KIF22: variants seen among roughly 807,000 people sequenced by gnomAD.
KIF22 encodes the protein kinesin-like protein KIF22.
In KIF22, 62 loss-of-function variants were observed where a neutral mutation model predicts 73.0. The observed-to-expected ratio is 0.85, with a 90% confidence interval of 0.69 to 1.05. KIF22 has a LOEUF of 1.05. Ranked by LOEUF, KIF22 falls within the 50% of genes least tolerant of loss-of-function variation. The pLI, the probability that KIF22 is intolerant of heterozygous loss-of-function variation, is 0.00. For synonymous variants in KIF22, 411 were observed against 340.1 expected, an observed-to-expected ratio of 1.21 and a Z score of -2.29; for missense variants, 854 against 870.1, an observed-to-expected ratio of 0.98 and a Z score of 0.23.
At position 29,800,191 on chromosome 16, in the gene KIF22, A is replaced by C. The variant is rs149520377; in HGVS notation, c.1280+143A>C. 5.6e-4 allele frequency: 544 copies of C among 974,478 alleles called. 3 individuals carry two copies. The African/African-American group carries it at 8.2e-3, about 15-fold the overall frequency. 60.4% of individuals were successfully genotyped at this position (974,478 alleles called of 1,614,324 possible). A position where few individuals can be genotyped will look rare whatever the true frequency, so the allele number is the denominator to read the frequency against. ...CACCCTAGGCCGGATGCGGTGGCTC[A>C]CTCCTGTAACCCCAGCACTTTGGGA... is the stretch of plus-strand genomic sequence containing the variant. On this transcript the variant is annotated intron_variant, in intron 8 of 13. Coordinates refer to ENST00000160827, the MANE Select transcript of KIF22 (RefSeq NM_007317.3).
At chr16:29,803,171 C>T (rs945398711) in intron 9 of KIF22, among the ~76,000 whole-genome samples, 5 of 152,178 alleles carry the variant, frequency 3.3e-5, no homozygotes, top group African/African-American at 1.2e-4. Context: ...AAATGTTAAA[C>T]ATTACATTTC....
In KIF22 at chr16:29,798,660, C is replaced by T. The variant is rs762171792; in HGVS notation, c.462C>T (p.Leu154=). The change falls in exon 4 of 14, where the codon CTC becomes CTT. Residue 154 remains leucine (L), a synonymous_variant. Transcript: ENST00000160827. This position sits in a 1 kb window ranked among gnomAD's most constrained non-coding sequence, Gnocchi z 4.1. ...TGATCCCGCGGGCTCTCATGGACCTCCTGCAGCTCACAAGGGAGGAGGGTG... is the reference window on the plus strand; with the variant it reads ...TGATCCCGCGGGCTCTCATGGACCTTCTGCAGCTCACAAGGGAGGAGGGTG... The part of the protein sequence containing the change: ...PGVIPRALMD[L]LQLTREEGAE... 1.4e-5 allele frequency: 23 copies of T among 1,614,174 alleles called. 1 individual carries two copies. The highest frequency in any genetic ancestry group is 1.1e-4 in the South Asian group (10 of 91,086).
intron 7 of KIF22, 27 bp downstream of exon 7, chr16:29,799,808 A>G (rs1206721658): frequency 3.1e-6 from 5 of 1,613,722 alleles, no homozygotes; most frequent in South Asian, 2.2e-5. Flanking sequence ...GCAGGAGTGG[A>G]AACGCTGGGT....
chr16:29,798,286 T>TTGGGG lies in KIF22; in HGVS notation c.267-88_267-87insTGGGG. On this transcript the variant is annotated intron_variant, in intron 2 of 13. Transcript: ENST00000160827. This position sits in a 1 kb window ranked among gnomAD's most constrained non-coding sequence, Gnocchi z 4.1. ...AGGTCCAGATGAGAGTAGAATCCCT[T>TTGGGG]ACCCACCCCCACCCCACTCCACCCC... is the stretch of plus-strand genomic sequence containing the variant. 1 of 1,485,602 alleles carries TTGGGG rather than the reference T, an allele frequency of 6.7e-7. No individual in the cohort carries two copies. Among genetic ancestry groups the TTGGGG allele is most frequent in the Non-Finnish European group, 9.1e-7 (1 of 1,104,266 alleles). The allele number at this position is 1,485,602 out of a possible 1,614,324, so 92.0% of individuals were successfully genotyped here.
chr16:29,802,744 G>T, intron 8 of KIF22, 25 bp from the exon 9 acceptor site: 1 of 1,531,786 alleles, frequency 6.5e-7, no homozygotes, highest in South Asian at 1.3e-5. Flanking sequence ...GAGGTAGGTG[G>T]GGAGCAACTT....
At chr16:29,792,476 T>C (rs1025974448) in intron 1 of KIF22, 156 of 853,786 alleles carry the variant, frequency 1.8e-4, no homozygotes, top group Non-Finnish European at 2.1e-4. Flanking sequence ...CAAATACTTC[T>C]TGAGGGCCTA....
At position 29,804,837 on chromosome 16, in the gene KIF22, G is replaced by C. The variant is rs567912581; in HGVS notation, c.1701G>C (p.Glu567Asp). 29 of 1,612,272 alleles carry C rather than the reference G, an allele frequency of 1.8e-5. No individual in the cohort carries two copies. Among genetic ancestry groups the C allele is most frequent in the Non-Finnish European group, 2.3e-5 (27 of 1,179,388 alleles). Residue 567 changes from glutamate to aspartate, a missense_variant, in exon 12 of 14, where the codon GAG becomes GAC. By Grantham distance (45) the Glu-to-Asp change is conservative. Coordinates refer to ENST00000160827, the MANE Select transcript of KIF22 (RefSeq NM_007317.3). ...KRKLESLDALEPEEKAEDCWE... is the reference protein window; with the variant it reads ...KRKLESLDALDPEEKAEDCWE... ...AGCTGGAGTCCCTGGATGCCCTAGA[G>C]CCTGAGGAGAAGGCTGAGGACTGCT...
intron 1 of KIF22, among the ~76,000 whole-genome samples, chr16:29,795,504 A>G (rs1898927952): frequency 6.6e-6 from 1 of 152,202 alleles, no homozygotes; most frequent in African/African-American, 2.4e-5. Flanking sequence ...CCAGCAAGGA[A>G]GGGAAAGAGC....
At chr16:29,791,308 A>C in intron 1 of KIF22, 7 of 933,272 alleles carry the variant, frequency 7.5e-6, no homozygotes, top group Non-Finnish European at 9.0e-6. Flanking sequence ...GCTGAGGAAC[A>C]GACCCGGCTG....
At chr16:29,801,403 G>T (rs1453238479) in intron 8 of KIF22, among the ~76,000 whole-genome samples, 1 of 152,166 alleles carries the variant, frequency 6.6e-6, no homozygotes, top group African/African-American at 2.4e-5. Context: ...CCAAGGGTTA[G>T]TGCCCACTCT....
At chr16:29,793,346 A>C (rs1369683602) in intron 1 of KIF22, among the ~76,000 whole-genome samples, 1 of 152,176 alleles carries the variant, frequency 6.6e-6, no homozygotes, top group East Asian at 1.9e-4. Context: ...AGGCTGAGGC[A>C]GGAGAATCGC....
At position 29,799,738 on chromosome 16, in the gene KIF22, G is replaced by A. The variant is rs1217618330; in HGVS notation, c.1101G>A (p.Glu367=). 1 of 1,613,324 alleles carries A rather than the reference G, an allele frequency of 6.2e-7. No individual in the cohort carries two copies. Among genetic ancestry groups the A allele is most frequent in the Non-Finnish European group, 8.5e-7 (1 of 1,179,646 alleles). The change falls in exon 7 of 14, where the codon GAG becomes GAA. Residue 367 remains glutamate, a synonymous_variant. Coordinates refer to ENST00000160827, the MANE Select transcript of KIF22 (RefSeq NM_007317.3). ...SALNFAARSK[E]VINRPFTNES... is the part of the protein sequence containing the mutation. ...TCAACTTTGCTGCCAGGTCCAAGGA[G>A]GTGATCAATCGGCCTTTTACCAATG...
rs561482281 is a variant in KIF22, at chr16:29,795,641, C to T, written c.71-1252C>T. Among the ~76,000 whole-genome samples the T allele has an allele frequency of 4.6e-5, 7 of 152,222 alleles. No homozygotes were observed. In the East Asian group the frequency reaches 7.7e-4, roughly 17 times the overall value. The stretch of plus-strand genomic sequence containing the variant: ...TGAGCTACAGTATGTTATCCTCCAA[C>T]GTAAAATAGAGTAATACTCTCCTTA... On this transcript the variant is annotated intron_variant, in intron 1 of 13. Coordinates refer to ENST00000160827, the MANE Select transcript of KIF22 (RefSeq NM_007317.3).
chr16:29,800,183 G>A (rs760110742), intron 8 of KIF22, 135 bp downstream of exon 8: 84 of 1,078,042 alleles, frequency 7.8e-5, no homozygotes, highest in Non-Finnish European at 9.3e-5. Flanking sequence ...GGCCGGATGC[G>A]GTGGCTCACT....
rs11545431 is a variant in KIF22, at chr16:29,799,001, G to A, written c.576G>A (p.Ser192=). The A allele has an allele frequency of 1.3e-5, 21 of 1,614,024 alleles. No individual in the cohort carries two copies. Among genetic ancestry groups the A allele is most frequent in the African/African-American group, 8.0e-5 (6 of 74,894 alleles). ...TATTAGACCTCCTGGACCCTGCTTC[G>A]GGAGACCTGGTAATCCGAGAAGACT... ...EKVLDLLDPA[S]GDLVIREDCR... The change falls in exon 5 of 14, where the codon TCG becomes TCA. Residue 192 remains serine (S), a synonymous_variant. Transcript: ENST00000160827.
intron 1 of KIF22, among the ~76,000 whole-genome samples, chr16:29,793,355 G>T (rs1407842639): frequency 6.6e-6 from 1 of 152,092 alleles, no homozygotes; most frequent in African/African-American, 2.4e-5. Flanking sequence ...CAGGAGAATC[G>T]CTTGAACCGG....
At chr16:29,796,290 C>A (rs1384801490) in intron 1 of KIF22, among the ~76,000 whole-genome samples, 124 of 120,296 alleles carry the variant, frequency 1.0e-3, no homozygotes, top group Middle Eastern at 5.0e-3. Context: ...AAAAAACACA[C>A]ACACACACAC....
intron 1 of KIF22, 109 bp from the exon 2 acceptor site, chr16:29,796,784 T>G: frequency 6.0e-6 from 6 of 1,003,274 alleles, no homozygotes; most frequent in South Asian, 1.4e-5. Flanking sequence ...CAGGGCAGAA[T>G]GAGCTTCTCC....
Position 29,798,430 on chromosome 16 carries a change from T to G in KIF22, c.323T>G (p.Val108Gly), listed in dbSNP as rs201644402. ...STQQDIYAGS[V>G]QPILRHLLEG... is the part of the protein sequence containing the mutation. ...CAGCAGGACATCTATGCAGGTTCAG[T>G]GCAGCCCATCCTAAGGCACTTGCTG... is the stretch of plus-strand genomic sequence containing the variant. Residue 108 changes from valine (V) to glycine (G), a missense_variant, in exon 3 of 14, where the codon GTG (valine) becomes GGG (glycine). By Grantham distance (109) the Val-to-Gly change is moderately radical. Around this residue, in one of 3 missense-constraint regions of KIF22, gnomAD observed 186 missense variants for 152.9 expected, o/e 1.22. Transcript: ENST00000160827. This position sits in a 1 kb window ranked among gnomAD's most constrained non-coding sequence, Gnocchi z 4.1. 1.2e-6 allele frequency: 2 copies of G among 1,614,034 alleles called. No individual in the cohort carries two copies. The highest frequency in any genetic ancestry group is 8.5e-7 in the Non-Finnish European group (1 of 1,180,036).
Sources: allele counts gnomAD v4.1 joint callset (sites outside exome capture counted in the v4.1 genomes callset), GRCh38; gene constraint gnomAD v4.1.1; regional missense constraint gnomAD v4.1.1; non-coding constraint Gnocchi (gnomAD v3.1); transcripts MANE v1.5; gene names NCBI Gene and HGNC (gene_info 2026-07-23, HGNC 2026-07-21).